NCKAP5: variants seen among roughly 807,000 people sequenced by gnomAD.
The protein encoded by NCKAP5 is nck-associated protein 5.
A neutral mutation model predicts 167.0 loss-of-function variants in NCKAP5; 92 were observed. The observed-to-expected ratio is 0.55, with a 90% CI of 0.47 to 0.66. NCKAP5 has a LOEUF of 0.66. NCKAP5 is among the 30% of genes least tolerant of loss of function. The pLI is 0.00. For missense variants in NCKAP5, 2,378 were observed against 2,315.0 expected (o/e 1.03, Z -0.56); for synonymous variants, 891 against 877.4 (o/e 1.02, Z -0.27).
At chr2:133,099,098 T>C (rs1206637401) in intron 6 of NCKAP5, among the ~76,000 whole-genome samples, 1 of 152,182 alleles carries the variant, frequency 6.6e-6, no homozygotes, top group Admixed American at 6.5e-5. Flanking sequence ...TATTAGTTTC[T>C]AAGTACCGTA....
intron 8 of NCKAP5, among the ~76,000 whole-genome samples, chr2:132,904,515 T>C (rs1188745957): frequency 6.6e-6 from 1 of 152,126 alleles, no homozygotes; most frequent in African/African-American, 2.4e-5. Context: ...TTTTGAAAGA[T>C]AGAGCCCTGC....
At chr2:133,144,930 A>C (rs909999782) in intron 5 of NCKAP5, among the ~76,000 whole-genome samples, 1 of 152,110 alleles carries the variant, frequency 6.6e-6, no homozygotes, top group African/African-American at 2.4e-5. Context: ...ATTTTACGTC[A>C]AACTAATCTC....
At chr2:132,967,568 G>C (rs959649950) in intron 7 of NCKAP5, among the ~76,000 whole-genome samples, 9 of 152,244 alleles carry the variant, frequency 5.9e-5, no homozygotes, top group African/African-American at 2.2e-4. Context: ...GAGAATAGTT[G>C]AATAATAGGA....
intron 8 of NCKAP5, among the ~76,000 whole-genome samples, chr2:132,905,381 T>C (rs1191115073): frequency 6.6e-6 from 1 of 152,204 alleles, no homozygotes; most frequent in African/African-American, 2.4e-5. Context: ...TTTCAATATA[T>C]GATATGGCGA....
intron 2 of NCKAP5, among the ~76,000 whole-genome samples, chr2:133,519,492 A>C (rs974794512): frequency 6.6e-6 from 1 of 152,220 alleles, no homozygotes; most frequent in African/African-American, 2.4e-5. Context: ...CCTCTCCCCC[A>C]GTCTCAGTGA....
chr2:132,751,778 G>C (rs1044652244), intron 16 of NCKAP5, among the ~76,000 whole-genome samples: 1 of 152,176 alleles, frequency 6.6e-6, no homozygotes, highest in Admixed American at 6.5e-5. Flanking sequence ...TTGGTGAAAA[G>C]TGGGGATTTT....
intron 11 of NCKAP5, among the ~76,000 whole-genome samples, chr2:132,800,211 G>GC (rs908427362): frequency 4.6e-5 from 7 of 152,196 alleles, no homozygotes; most frequent in African/African-American, 1.4e-4. Flanking sequence ...CTTAAGAGGA[G>GC]CCCCCCAGCT....
chr2:133,277,803 G>T (rs1294765709), intron 4 of NCKAP5, among the ~76,000 whole-genome samples: 1 of 152,110 alleles, frequency 6.6e-6, no homozygotes. Context: ...CAACCAGGGA[G>T]AAACAGGTTT....
At chr2:132,804,214 C>A (rs1195020041) in intron 11 of NCKAP5, among the ~76,000 whole-genome samples, 1 of 152,270 alleles carries the variant, frequency 6.6e-6, no homozygotes, top group South Asian at 2.1e-4. Flanking sequence ...AAGAGTGACT[C>A]GCATTTGCTT....
chr2:133,581,127 C>T, the NCKAP5 span, among the ~76,000 whole-genome samples: 1 of 152,166 alleles, frequency 6.6e-6, no homozygotes, highest in Non-Finnish European at 1.5e-5. Flanking sequence ...TCCTCCATTG[C>T]TCCTAAAATA....
intron 2 of NCKAP5, among the ~76,000 whole-genome samples, chr2:133,549,796 A>G (rs1182628062): frequency 2.0e-5 from 3 of 150,596 alleles, no homozygotes; most frequent in Non-Finnish European, 3.0e-5. Flanking sequence ...CAAAAAATCA[A>G]TGAATCCAGG....
At chr2:133,408,575 CAGAA>C (rs950041095) in intron 3 of NCKAP5, among the ~76,000 whole-genome samples, 1 of 152,158 alleles carries the variant, frequency 6.6e-6, no homozygotes, top group African/African-American at 2.4e-5. Context: ...CTTGGGGACA[CAGAA>C]AGGCCCTGTT....
rs753087777 is a variant in NCKAP5, at chr2:132,725,607, G to A, written c.5713+20C>T. The A allele has an allele frequency of 1.2e-6, 2 of 1,600,202 alleles. No homozygotes were observed. The highest frequency in any genetic ancestry group is 1.3e-5 in the African/African-American group (1 of 74,556). ...CCAGAGAGAGGAACCTGCAGGGCCA[G>A]CAAGTTCGCTGGTTGTTACCTGGGG... On this transcript the variant is annotated intron_variant, in intron 19 of 19. Coordinates refer to ENST00000409261, the MANE Select transcript of NCKAP5 (RefSeq NM_207363.3).
At chr2:133,178,908 T>A (rs1032665518) in intron 5 of NCKAP5, among the ~76,000 whole-genome samples, 6 of 151,610 alleles carry the variant, frequency 4.0e-5, no homozygotes, top group African/African-American at 1.5e-4. Context: ...GCTCATTCCT[T>A]TAATCCCAAC....
At chr2:133,037,038 G>GA (rs1358954466) in intron 6 of NCKAP5, among the ~76,000 whole-genome samples, 3 of 151,764 alleles carry the variant, frequency 2.0e-5, no homozygotes, top group Admixed American at 6.6e-5. Flanking sequence ...ATGTGAAAAA[G>GA]AAAAAATAAT....
At chr2:132,700,939 G>C (rs974250604) in intron 19 of NCKAP5, among the ~76,000 whole-genome samples, 12 of 141,476 alleles carry the variant, frequency 8.5e-5, no homozygotes, top group South Asian at 7.7e-4. Context: ...GCGGGGGGGG[G>C]GGCTTTTAAG....
chr2:132,920,413 T>C (rs1449095200), intron 8 of NCKAP5, among the ~76,000 whole-genome samples: 1 of 151,714 alleles, frequency 6.6e-6, no homozygotes, highest in Non-Finnish European at 1.5e-5. Context: ...TTGAGTACTA[T>C]CTGTGGGTTA....
At chr2:133,570,956 T>C (rs1179487710), upstream of NCKAP5, among the ~76,000 whole-genome samples, 2 of 152,156 alleles carry the variant, frequency 1.3e-5, no homozygotes, top group African/African-American at 2.4e-5. Flanking sequence ...CAGGCCTTTA[T>C]AGTAGAAACT....
chr2:133,053,155 C>T (rs905328017), intron 6 of NCKAP5, among the ~76,000 whole-genome samples: 1 of 152,168 alleles, frequency 6.6e-6, no homozygotes, highest in Admixed American at 6.5e-5. Flanking sequence ...GCTGGTAAAC[C>T]ATTCTTCACA....
Sources: gnomAD v4.1 joint callset for allele counts (sites outside exome capture counted in the v4.1 genomes callset) on GRCh38, gnomAD v4.1.1 for gene constraint, MANE v1.5 for transcripts, NCBI Gene and HGNC (gene_info 2026-07-23, HGNC 2026-07-21) for gene names.